MLLT10: variants seen among roughly 807,000 people sequenced by gnomAD.
MLLT10 encodes protein AF-10.
In MLLT10, 30 loss-of-function variants were observed where a neutral mutation model predicts 129.1. That is an observed-to-expected ratio of 0.23 (90% CI 0.17 to 0.32). MLLT10 has a LOEUF of 0.32. Ranked by LOEUF, MLLT10 falls within the 10% of genes least tolerant of loss-of-function variation. The probability of loss-of-function intolerance (pLI) is 1.00; values close to 1 mark genes in which losing one functional copy is unlikely to be tolerated. For missense variants in MLLT10, 1,119 were observed against 1,268.3 expected (o/e 0.88, Z 1.79); for synonymous variants, 490 against 446.4 (o/e 1.10, Z -1.23).
chr10:21,677,371 A>C (rs777762581), intron 11 of MLLT10, among the ~76,000 whole-genome samples: 64 of 152,200 alleles, frequency 4.2e-4, no homozygotes, highest in Admixed American at 7.2e-4. Context: ...AGGAAGGAGA[A>C]AATGTATACA....
chr10:21,535,007 C>T (rs1358179948), intron 2 of MLLT10, among the ~76,000 whole-genome samples: 27 of 149,630 alleles, frequency 1.8e-4, no homozygotes, highest in African/African-American at 5.6e-4. Flanking sequence ...TGATTCCGCT[C>T]TCACTCTCTC....
intron 8 of MLLT10, among the ~76,000 whole-genome samples, chr10:21,618,445 C>T (rs1413276528): frequency 1.3e-5 from 2 of 151,812 alleles, no homozygotes; most frequent in Non-Finnish European, 2.9e-5. Context: ...GCAGAGATTG[C>T]AGTGAGCCGA....
rs752615953 is a variant in MLLT10 at position 21,734,124 on chromosome 10, T to C, written c.2853T>C (p.Thr951=). Reference sequence around the variant, plus strand: ...CACATCCAATGCCAGCTACACTGACTAACAGGTAAGAAACTTAAGTATGTT... The same window carrying C: ...CACATCCAATGCCAGCTACACTGACCAACAGGTAAGAAACTTAAGTATGTT... ...NATHPMPATL[T]NSASGLGLLS... Residue 951 remains threonine, a synonymous_variant, in exon 20 of 23, where the codon ACT becomes ACC. Coordinates refer to ENST00000307729, the MANE Select transcript of MLLT10 (RefSeq NM_001195626.3). 1.3e-6 allele frequency: 2 copies of C among 1,598,008 alleles called. No homozygotes were observed.
At chr10:21,557,053 T>TC in intron 3 of MLLT10, 1 of 1,422,092 alleles carries the variant, frequency 7.0e-7, no homozygotes, top group East Asian at 2.5e-5. Flanking sequence ...CTTGATTTTT[T>TC]CCCACTCAAC....
At chr10:21,719,371 T>G (rs2056974854) in intron 14 of MLLT10, among the ~76,000 whole-genome samples, 1 of 152,150 alleles carries the variant, frequency 6.6e-6, no homozygotes, top group Non-Finnish European at 1.5e-5. Context: ...GGAAAATCAG[T>G]TTTCATAACC....
chr10:21,683,295 C>A (rs2052936532), intron 13 of MLLT10, among the ~76,000 whole-genome samples: 1 of 152,028 alleles, frequency 6.6e-6, no homozygotes, highest in South Asian at 2.1e-4. Context: ...GCAACCTGTG[C>A]CTGCGGAAGC....
intron 8 of MLLT10, among the ~76,000 whole-genome samples, chr10:21,637,931 G>A (rs944241811): frequency 6.6e-6 from 1 of 152,106 alleles, no homozygotes; most frequent in Non-Finnish European, 1.5e-5. Flanking sequence ...CAGGGCTTTT[G>A]TGTTGAGATA....
At chr10:21,594,041 G>A (rs2042774034) in intron 4 of MLLT10, among the ~76,000 whole-genome samples, 1 of 151,396 alleles carries the variant, frequency 6.6e-6, no homozygotes, top group African/African-American at 2.4e-5. Context: ...GGTGCCTTGG[G>A]GGTTGTAATT....
rs376298501 is a variant in MLLT10 at position 21,585,207 on chromosome 10, A to G, written c.241-1087A>G. 2.6e-5 allele frequency among the ~76,000 whole-genome samples: 4 copies of G among 152,072 alleles called. No homozygotes were observed. In the East Asian group the frequency reaches 7.7e-4, roughly 29 times the overall value. The stretch of plus-strand genomic sequence containing the variant: ...CCAAAGTGCTGGGATTACAGGTGTG[A>G]TCCACTGTGCCCGGCCTATATTACT... On this transcript the variant is annotated intron_variant, in intron 3 of 22. Coordinates refer to ENST00000307729, the MANE Select transcript of MLLT10 (RefSeq NM_001195626.3).
At chr10:21,694,513 A>G (rs1216552122) in intron 13 of MLLT10, among the ~76,000 whole-genome samples, 1 of 152,166 alleles carries the variant, frequency 6.6e-6, no homozygotes, top group East Asian at 1.9e-4. Flanking sequence ...TCCATTCCCC[A>G]TCAGATTTTC....
chr10:21,668,829 C>G lies in MLLT10; in HGVS notation c.796-1620C>G, dbSNP rs2051106087. The G allele has an allele frequency of 4.1e-6, 4 of 987,288 alleles. No individual in the cohort carries two copies. The East Asian group carries it at 2.1e-4, about 52-fold the overall frequency. The allele number at this position is 987,288 out of a possible 1,614,324, so 61.2% of individuals were successfully genotyped here. On this transcript the variant is annotated intron_variant, in intron 9 of 22. Coordinates refer to ENST00000307729, the MANE Select transcript of MLLT10 (RefSeq NM_001195626.3). ...CATTTGTAGTACTCTACCCAATTTTCTCTCCATTCTTTATTTGATACATGA... is the reference window on the plus strand; with the variant it reads ...CATTTGTAGTACTCTACCCAATTTTGTCTCCATTCTTTATTTGATACATGA...
intron 8 of MLLT10, among the ~76,000 whole-genome samples, chr10:21,646,718 A>G (rs2048513071): frequency 6.6e-6 from 1 of 152,206 alleles, no homozygotes; most frequent in Non-Finnish European, 1.5e-5. Flanking sequence ...TGACCTAACA[A>G]GCAGTGAAGA....
intron 3 of MLLT10, among the ~76,000 whole-genome samples, chr10:21,568,772 G>A (rs543887462): frequency 1.3e-4 from 20 of 152,086 alleles, no homozygotes; most frequent in African/African-American, 4.6e-4. Flanking sequence ...GAGTAGCTGC[G>A]GTTACAGGAG....
At chr10:21,573,685 G>A (rs993893870) in intron 3 of MLLT10, among the ~76,000 whole-genome samples, 3 of 151,520 alleles carry the variant, frequency 2.0e-5, no homozygotes, top group Admixed American at 1.3e-4. Flanking sequence ...TCCTGCCTCA[G>A]ACTCCCAAGT....
At chr10:21,648,805 G>A (rs1042713970) in intron 8 of MLLT10, among the ~76,000 whole-genome samples, 3 of 152,200 alleles carry the variant, frequency 2.0e-5, no homozygotes, top group Non-Finnish European at 4.4e-5. Context: ...ATGGCAGAAG[G>A]CGAAGGAGGA....
chr10:21,624,055 C>T (rs2046176472), intron 8 of MLLT10, among the ~76,000 whole-genome samples: 1 of 152,010 alleles, frequency 6.6e-6, no homozygotes, highest in Non-Finnish European at 1.5e-5. Context: ...GGGCAGATTT[C>T]AAAATGGTGT....
chr10:21,559,110 A>G (rs2038456844), intron 3 of MLLT10, among the ~76,000 whole-genome samples: 1 of 152,048 alleles, frequency 6.6e-6, no homozygotes, highest in Non-Finnish European at 1.5e-5. Context: ...TTGAGACAGA[A>G]TCTTGCTGTG....
intron 8 of MLLT10, among the ~76,000 whole-genome samples, chr10:21,623,057 G>A (rs1345765404): frequency 5.3e-5 from 8 of 152,236 alleles, no homozygotes; most frequent in Admixed American, 5.2e-4. Flanking sequence ...AAGTTATGGG[G>A]AGGTAGGTAG....
chr10:21,689,565 G>GTATATA (rs71393919), intron 13 of MLLT10, among the ~76,000 whole-genome samples: 1,727 of 113,398 alleles, frequency 0.015, 23 homozygotes, highest in East Asian at 0.08. Flanking sequence ...ATATATATAT[G>GTATATA]TATATATATA....
Sources: gnomAD v4.1 joint callset for allele counts (sites outside exome capture counted in the v4.1 genomes callset) on GRCh38, gnomAD v4.1.1 for gene constraint, MANE v1.5 for transcripts, NCBI Gene and HGNC (gene_info 2026-07-23, HGNC 2026-07-21) for gene names.